Variants in ALB observed in about 807,000 individuals in gnomAD.
ALB encodes the protein albumin, also known as serum albumin.
ALB carries 37 observed loss-of-function variants against 74.5 expected under a neutral mutation model. The ratio of observed to expected loss-of-function variants is 0.50; its 90% CI spans 0.38 to 0.65. ALB has a LOEUF of 0.65. Among genes scored for constraint, ALB ranks in the 30% least tolerant of loss-of-function variants. The pLI is 0.00. For synonymous variants in ALB, 249 were observed against 251.6 expected (o/e 0.99, Z 0.10); for missense variants, 685 against 718.7 (o/e 0.95, Z 0.54).
At chr4:73,420,626 T>C (rs973026892) in intron 14 of ALB, among the ~76,000 whole-genome samples, 2 of 152,158 alleles carry the variant, frequency 1.3e-5, no homozygotes, top group African/African-American at 2.4e-5. Flanking sequence ...TTCTGACTTA[T>C]ATGATGCGGT....
At position 73,409,426 on chromosome 4, in the gene ALB, A is replaced by G. The variant is rs1170178317; in HGVS notation, c.554A>G (p.Tyr185Cys). ...GAACTCCTTTTCTTTGCTAAAAGGTATAAAGCTGCTTTTACAGAATGTTGC... is the reference window on the plus strand; with the variant it reads ...GAACTCCTTTTCTTTGCTAAAAGGTGTAAAGCTGCTTTTACAGAATGTTGC... Reference protein sequence around the residue: ...APELLFFAKRYKAAFTECCQA... With the variant: ...APELLFFAKRCKAAFTECCQA... The change falls in exon 5 of 15, where the codon TAT (tyrosine) becomes TGT (cysteine). Residue 185 changes from tyrosine to cysteine, a missense_variant. Transcript: ENST00000295897. 1.9e-6 allele frequency: 3 copies of G among 1,614,068 alleles called. No individual in the cohort carries two copies. The highest frequency in any genetic ancestry group is 1.3e-5 in the African/African-American group (1 of 75,066).
intron 7 of ALB, 45 bp from the exon 8 acceptor site, chr4:73,413,375 G>T (rs375956949): frequency 5.9e-5 from 89 of 1,520,642 alleles, no homozygotes; most frequent in Non-Finnish European, 7.4e-5. Context: ...AGAAAGTGTA[G>T]CAATGTCAAT....
Position 73,413,634 on chromosome 4 carries a change from T to G in ALB, c.1058T>G (p.Met353Arg), listed in dbSNP as rs79568748. The G allele has an allele frequency of 6.2e-7, 1 of 1,613,882 alleles. No individual in the cohort carries two copies. The highest frequency in any genetic ancestry group is 2.2e-5 in the East Asian group (1 of 44,878). ...YAEAKDVFLGMFLYEYARRHP... is the reference protein window; with the variant it reads ...YAEAKDVFLGRFLYEYARRHP... ...GAGGCAAAGGATGTCTTCCTGGGCA[T>G]GTAAGTAGATAAGAAATTATTCTTT... Residue 353 changes from methionine to arginine, a missense_variant and splice_region_variant, in exon 8 of 15, where the codon ATG becomes AGG. Transcript: ENST00000295897.
intron 6 of ALB, 51 bp from the exon 7 acceptor site, chr4:73,411,945 A>G (rs1718887197): frequency 2.5e-6 from 4 of 1,610,086 alleles, no homozygotes; most frequent in Non-Finnish European, 3.4e-6. Context: ...TAGTGTTTTC[A>G]TATAAAATAT....
intron 4 of ALB, 175 bp from the exon 5 acceptor site, chr4:73,409,180 T>A: frequency 1.4e-6 from 1 of 708,924 alleles, no homozygotes; most frequent in Non-Finnish European, 2.3e-6. Context: ...CACTTAACCC[T>A]TTTTTCCACA....
At chr4:73,420,049 T>A (rs1345695440) in intron 13 of ALB, among the ~76,000 whole-genome samples, 2 of 152,218 alleles carry the variant, frequency 1.3e-5, no homozygotes, top group African/African-American at 2.4e-5. Context: ...TTGCCCTTTA[T>A]GGCCTGACAG....
In ALB at chr4:73,420,330, A is replaced by G; in HGVS notation, c.*23+9A>G. On this transcript the variant is annotated intron_variant, in intron 14 of 14. Transcript: ENST00000295897. Reference sequence around the variant, plus strand: ...ATTTAAAAGCATCTCAGGTAACTATATTTTGAATTTTTTAAAAAAGTAACT... The same window carrying G: ...ATTTAAAAGCATCTCAGGTAACTATGTTTTGAATTTTTTAAAAAAGTAACT... 6.4e-7 allele frequency: 1 copy of G among 1,572,920 alleles called. No homozygotes were observed. Among genetic ancestry groups the G allele is most frequent in the Non-Finnish European group, 8.7e-7 (1 of 1,147,980 alleles).
At chr4:73,407,877 C>A (rs1396301639) in intron 3 of ALB, among the ~76,000 whole-genome samples, 2 of 152,098 alleles carry the variant, frequency 1.3e-5, no homozygotes, top group African/African-American at 4.8e-5. Flanking sequence ...GGAGCCTTTC[C>A]CCTTTTTATT....
intron 12 of ALB, among the ~76,000 whole-genome samples, chr4:73,418,585 A>G (rs1386445381): frequency 6.6e-6 from 1 of 152,244 alleles, no homozygotes; most frequent in Non-Finnish European, 1.5e-5. Context: ...GTAGAAAAAG[A>G]TGAACAATTA....
Position 73,413,555 on chromosome 4 carries a change from C to G in ALB, c.979C>G (p.Pro327Ala). ...VENDEMPADL[P>A]SLAADFVESK... ...AAATGATGAGATGCCTGCTGACTTG[C>G]CTTCATTAGCTGCTGATTTTGTTGA... The change falls in exon 8 of 15, where the codon CCT (proline) becomes GCT (alanine). Residue 327 changes from proline (P) to alanine (A), a missense_variant. Physicochemically the swap from Pro to Ala is conservative, Grantham distance 27. Coordinates refer to ENST00000295897, the MANE Select transcript of ALB (RefSeq NM_000477.7). 5.6e-6 allele frequency: 9 copies of G among 1,614,150 alleles called. No individual in the cohort carries two copies. Among genetic ancestry groups the G allele is most frequent in the Non-Finnish European group, 7.6e-6 (9 of 1,180,010 alleles).
chr4:73,417,799 A>G, intron 11 of ALB, 130 bp downstream of exon 11: 2 of 903,508 alleles, frequency 2.2e-6, no homozygotes, highest in Non-Finnish European at 3.3e-6. Flanking sequence ...GTGTGTGTGC[A>G]TGCACGTGTG....
Position 73,410,416 on chromosome 4 carries a change from AC to A in ALB, c.713+8del. Reference sequence around the variant, plus strand: ...AAAGAGCTTTCAAAGCATGGTAAATACTTTTAAACATAGTTGGCATCTTTAT... The same window carrying A: ...AAAGAGCTTTCAAAGCATGGTAAATATTTTAAACATAGTTGGCATCTTTAT... On this transcript the variant is annotated splice_region_variant and intron_variant, in intron 6 of 14. Transcript: ENST00000295897. The A allele has an allele frequency of 2.6e-6, 4 of 1,565,666 alleles. No individual in the cohort carries two copies. Among genetic ancestry groups the A allele is most frequent in the Non-Finnish European group, 3.5e-6 (4 of 1,136,004 alleles).
intron 7 of ALB, among the ~76,000 whole-genome samples, chr4:73,412,886 A>G (rs1384867035): frequency 6.6e-6 from 1 of 152,204 alleles, no homozygotes; most frequent in Non-Finnish European, 1.5e-5. Flanking sequence ...TTGGAATGAT[A>G]TCTCTTTTCT....
intron 4 of ALB, 102 bp from the exon 5 acceptor site, chr4:73,409,253 T>C: frequency 7.8e-7 from 1 of 1,277,268 alleles, no homozygotes; most frequent in Non-Finnish European, 1.1e-6. Context: ...GTTAATTAGA[T>C]ATCTTTGGAA....
intron 12 of ALB, 42 bp from the exon 13 acceptor site, chr4:73,419,465 G>A (rs532514465): frequency 1.3e-6 from 2 of 1,587,178 alleles, no homozygotes; most frequent in Admixed American, 1.7e-5. Context: ...CGTGAGTAAT[G>A]TTTTTTCTGT....
chr4:73,420,404 T>C (rs2149330193), intron 14 of ALB, 83 bp downstream of exon 14: 1 of 921,538 alleles, frequency 1.1e-6, no homozygotes. Context: ...CCAAGAGCCA[T>C]ATAGACCAGC....
At chr4:73,410,012 G>C (rs1718832533) in intron 5 of ALB, among the ~76,000 whole-genome samples, 1 of 152,094 alleles carries the variant, frequency 6.6e-6, no homozygotes, top group South Asian at 2.1e-4. Flanking sequence ...CAAAATTGCA[G>C]CCCCTGGGAT....
In ALB at chr4:73,405,111, C is replaced by T; in HGVS notation, c.80-5C>T. On this transcript the variant is annotated splice_polypyrimidine_tract_variant and splice_region_variant and intron_variant, in intron 1 of 14. Coordinates refer to ENST00000295897, the MANE Select transcript of ALB (RefSeq NM_000477.7). Reference sequence around the variant, plus strand: ...AACAATCCTTTTTTTTCTTCCCTTGCCCAGACAAGAGTGAGGTTGCTCATC... The same window carrying T: ...AACAATCCTTTTTTTTCTTCCCTTGTCCAGACAAGAGTGAGGTTGCTCATC... The T allele has an allele frequency of 1.2e-6, 2 of 1,613,050 alleles. No homozygotes were observed. Among genetic ancestry groups the T allele is most frequent in the Middle Eastern group, 1.7e-4 (1 of 6,058 alleles).
At chr4:73,405,989 C>T (rs1560853932) in intron 2 of ALB, among the ~76,000 whole-genome samples, 1 of 151,644 alleles carries the variant, frequency 6.6e-6, no homozygotes, top group South Asian at 2.1e-4. Context: ...GGATCAGGTG[C>T]GGTGGTTCAC....
Sources: gnomAD v4.1 joint callset for allele counts (sites outside exome capture counted in the v4.1 genomes callset) on GRCh38, gnomAD v4.1.1 for gene constraint, MANE v1.5 for transcripts, NCBI Gene and HGNC (gene_info 2026-07-23, HGNC 2026-07-21) for gene names.